The following GSK3B variants were observed in gnomAD, a reference collection of about 807,000 sequenced individuals.
The protein encoded by GSK3B is glycogen synthase kinase 3 beta, also known as glycogen synthase kinase-3 beta.
A neutral mutation model predicts 56.4 loss-of-function variants in GSK3B; 15 were observed. The observed-to-expected ratio is 0.27, with a 90% CI of 0.18 to 0.41. The LOEUF (loss-of-function observed/expected upper bound fraction) is 0.41, where lower values mean the gene tolerates loss of function less well. Ranked by LOEUF, GSK3B falls within the 10% of genes least tolerant of loss-of-function variation. GSK3B has a pLI of 1.00. For missense variants in GSK3B, 300 were observed against 513.4 expected (o/e 0.58, Z 4.02); for synonymous variants, 181 against 188.9 (o/e 0.96, Z 0.34).
intron 2 of GSK3B, among the ~76,000 whole-genome samples, chr3:119,973,849 G>A (rs1380903266): frequency 6.6e-6 from 1 of 151,974 alleles, no homozygotes; most frequent in Non-Finnish European, 1.5e-5. Context: ...GGGGGTCTTG[G>A]AACATACCCC....
chr3:119,930,123 A>G (rs1018064542), intron 3 of GSK3B, among the ~76,000 whole-genome samples: 3 of 137,106 alleles, frequency 2.2e-5, no homozygotes, highest in South Asian at 2.3e-4. Flanking sequence ...ACACACACAC[A>G]CGTGCGCATG....
chr3:120,068,625 G>A (rs918406360), intron 1 of GSK3B, among the ~76,000 whole-genome samples: 5 of 151,326 alleles, frequency 3.3e-5, no homozygotes, highest in Admixed American at 6.6e-5. Context: ...ACTTGAATCC[G>A]GGAGGCGGAG....
intron 2 of GSK3B, among the ~76,000 whole-genome samples, chr3:120,000,020 A>G (rs1471236536): frequency 1.3e-5 from 2 of 152,214 alleles, no homozygotes; most frequent in Non-Finnish European, 2.9e-5. Context: ...CACAGAAGAG[A>G]TTAGAAAGGA....
At chr3:119,967,738 G>A (rs1350818261) in intron 2 of GSK3B, among the ~76,000 whole-genome samples, 4 of 149,542 alleles carry the variant, frequency 2.7e-5, no homozygotes, top group Non-Finnish European at 3.0e-5. Context: ...CCTTTCTCCC[G>A]TCCCGTCCCC....
chr3:119,831,265 A>G (rs2055592765), intron 10 of GSK3B, among the ~76,000 whole-genome samples: 1 of 152,190 alleles, frequency 6.6e-6, no homozygotes. Context: ...GCAAAAGAAG[A>G]AAAGAGATTA....
rs573373406 is a variant in GSK3B at position 119,919,352 on chromosome 3, T to C, written c.478-3178A>G. Among the ~76,000 whole-genome samples the C allele has an allele frequency of 3.3e-5, 5 of 152,082 alleles. No homozygotes were observed. The South Asian group carries it at 8.3e-4, about 25-fold the overall frequency. ...TCACAATCTAACATTTTTCATACAATAGGATTACAATAAAACTATGTAGAA... is the reference window on the plus strand; with the variant it reads ...TCACAATCTAACATTTTTCATACAACAGGATTACAATAAAACTATGTAGAA... On this transcript the variant is annotated intron_variant, in intron 4 of 10. Coordinates refer to ENST00000264235, the MANE Select transcript of GSK3B (RefSeq NM_001146156.2).
chr3:119,958,540 T>C (rs1404462107), intron 2 of GSK3B, among the ~76,000 whole-genome samples: 3 of 152,042 alleles, frequency 2.0e-5, no homozygotes, highest in Non-Finnish European at 2.9e-5. Flanking sequence ...TAGCTGGGCA[T>C]GGTGATGCAC....
chr3:119,869,797 T>C (rs1038904304), intron 8 of GSK3B, among the ~76,000 whole-genome samples: 3 of 152,224 alleles, frequency 2.0e-5, no homozygotes, highest in Non-Finnish European at 4.4e-5. Context: ...AGTTGCAGTT[T>C]CTAAGCACCT....
chr3:119,898,525 A>G (rs555066619), intron 7 of GSK3B, among the ~76,000 whole-genome samples: 87 of 152,278 alleles, frequency 5.7e-4, no homozygotes, highest in African/African-American at 1.6e-3. Context: ...TATACATATA[A>G]TAAGTAATAA....
At chr3:119,843,661 C>T (rs1331371521) in intron 9 of GSK3B, 4 of 165,400 alleles carry the variant, frequency 2.4e-5, no homozygotes, top group South Asian at 2.9e-4. Flanking sequence ...CAGGAGCATC[C>T]GGATTCATAA....
At chr3:119,930,126 T>TACAC (rs2056931758) in intron 3 of GSK3B, among the ~76,000 whole-genome samples, 1 of 112,154 alleles carries the variant, frequency 8.9e-6, no homozygotes, top group Non-Finnish European at 1.9e-5. Flanking sequence ...CACACACACG[T>TACAC]GCGCATGCAC....
intron 6 of GSK3B, among the ~76,000 whole-genome samples, chr3:119,906,382 A>G: frequency 6.6e-6 from 1 of 152,112 alleles, no homozygotes; most frequent in South Asian, 2.1e-4. Flanking sequence ...TTTTTAAATA[A>G]AATGGAATAG....
intron 6 of GSK3B, among the ~76,000 whole-genome samples, chr3:119,910,554 T>C (rs1251434199): frequency 2.0e-5 from 3 of 152,236 alleles, no homozygotes; most frequent in Admixed American, 2.0e-4. Flanking sequence ...TGCCTTGATG[T>C]CGATGGCTGC....
chr3:119,893,016 T>C (rs1420659414), intron 7 of GSK3B, among the ~76,000 whole-genome samples: 5 of 152,106 alleles, frequency 3.3e-5, no homozygotes, highest in African/African-American at 1.2e-4. Context: ...GATTTTACTA[T>C]TTATTTTTTG....
chr3:119,829,290 C>T (rs1300956804), intron 10 of GSK3B, among the ~76,000 whole-genome samples: 6 of 152,100 alleles, frequency 3.9e-5, no homozygotes, highest in African/African-American at 1.4e-4. Context: ...CCTGGAACAC[C>T]ACAAACCCAT....
intron 7 of GSK3B, among the ~76,000 whole-genome samples, chr3:119,886,794 C>T (rs1297463244): frequency 6.6e-6 from 1 of 152,108 alleles, no homozygotes; most frequent in Non-Finnish European, 1.5e-5. Context: ...CATGTTCTCA[C>T]TTATAAGTGG....
chr3:120,005,977 C>A (rs2057723849), intron 1 of GSK3B, among the ~76,000 whole-genome samples: 1 of 152,114 alleles, frequency 6.6e-6, no homozygotes, highest in Admixed American at 6.5e-5. Flanking sequence ...AAGACACAGG[C>A]TGGCAAACTG....
In GSK3B at chr3:119,822,241, CTTTATA is replaced by C; in HGVS notation, c.*4541_*4546del. 6.0e-6 allele frequency: 1 copy of C among 167,954 alleles called. No homozygotes were observed. Among genetic ancestry groups the C allele is most frequent in the East Asian group, 1.0e-4 (1 of 9,578 alleles). The allele number at this position is 167,954 out of a possible 1,614,324, so 10.4% of individuals were successfully genotyped here. On this transcript the variant is annotated 3_prime_UTR_variant, in exon 11 of 11. Transcript: ENST00000264235. ...AATAGTTTGTATACAACCCACAGTC[CTTTATA>C]TATATATATATATATATATAATAAA... is the stretch of plus-strand genomic sequence containing the variant.
intron 7 of GSK3B, among the ~76,000 whole-genome samples, chr3:119,894,135 A>T (rs2056535257): frequency 6.6e-6 from 1 of 152,132 alleles, no homozygotes; most frequent in Non-Finnish European, 1.5e-5. Context: ...ATTATATAAT[A>T]TGTGGCCTTT....
Sources: allele counts gnomAD v4.1 joint callset (sites outside exome capture counted in the v4.1 genomes callset), GRCh38; gene constraint gnomAD v4.1.1; transcripts MANE v1.5; gene names NCBI Gene and HGNC (gene_info 2026-07-23, HGNC 2026-07-21).